Variants in SETBP1 observed in about 807,000 individuals in gnomAD.
SETBP1 encodes the protein SET binding protein 1, also known as SET-binding protein.
In SETBP1, 9 loss-of-function variants were observed where a neutral mutation model predicts 101.0. That is an observed-to-expected ratio of 0.09 (90% CI 0.05 to 0.16). The LOEUF is 0.16. Among genes scored for constraint, SETBP1 ranks in the 10% least tolerant of loss-of-function variants. SETBP1 has a pLI of 1.00. For missense variants in SETBP1, 1,858 were observed against 2,033.8 expected (o/e 0.91, Z 1.66); for synonymous variants, 818 against 788.5 (o/e 1.04, Z -0.63).
At position 44,876,983 on chromosome 18, in the gene SETBP1, T is replaced by G. The variant is rs916720868; in HGVS notation, c.540+7700T>G. On this transcript the variant is annotated intron_variant, in intron 3 of 5. Transcript: ENST00000649279. Reference sequence around the variant, plus strand: ...GCATTAGGCGGCCCTGATGCAGCATTCACTGTCTTCCAGGGCAGGCTTGAT... The same window carrying G: ...GCATTAGGCGGCCCTGATGCAGCATGCACTGTCTTCCAGGGCAGGCTTGAT... 4.1e-6 allele frequency: 5 copies of G among 1,231,270 alleles called. No homozygotes were observed. In the South Asian group the frequency reaches 1.6e-4, roughly 40 times the overall value. 76.3% of individuals were successfully genotyped at this position (1,231,270 alleles called of 1,614,324 possible). A position where few individuals can be genotyped will look rare whatever the true frequency, so the allele number is the denominator to read the frequency against.
At chr18:44,877,375 A>G (rs2069430769) in intron 3 of SETBP1, 1 of 980,012 alleles carries the variant, frequency 1.0e-6, no homozygotes, top group Non-Finnish European at 1.2e-6. Context: ...GTTAACCAAC[A>G]CTGAGCTTTC....
At chr18:44,870,182 C>T (rs1157810816) in intron 3 of SETBP1, 1 of 152,244 alleles carries the variant, frequency 6.6e-6, no homozygotes, top group Non-Finnish European at 1.5e-5. Flanking sequence ...AAATATGTTT[C>T]TAATTGCAGG....
At chr18:44,892,730 A>G (rs2069801586) in intron 3 of SETBP1, among the ~76,000 whole-genome samples, 1 of 152,134 alleles carries the variant, frequency 6.6e-6, no homozygotes, top group Non-Finnish European at 1.5e-5. Flanking sequence ...CTGCTACATA[A>G]TAATTTTTCT....
At chr18:44,960,320 T>C (rs1014755072) in intron 4 of SETBP1, among the ~76,000 whole-genome samples, 1 of 152,140 alleles carries the variant, frequency 6.6e-6, no homozygotes, top group Non-Finnish European at 1.5e-5. Flanking sequence ...TTGTGCTTAA[T>C]CAAGCGAGCA....
intron 1 of SETBP1, among the ~76,000 whole-genome samples, chr18:44,700,096 C>G (rs1169698714): frequency 6.6e-6 from 1 of 152,072 alleles, no homozygotes; most frequent in Non-Finnish European, 1.5e-5. Context: ...GTTTGCAGCC[C>G]CAGGGCTCTT....
Position 44,706,591 on chromosome 18 carries a change from C to CAAAAAAAAAAAAAAAAAAAAAAAAA in SETBP1, c.486+4770_486+4794dup, listed in dbSNP as rs1018470585. 1.2e-4 allele frequency among the ~76,000 whole-genome samples: 2 copies of CAAAAAAAAAAAAAAAAAAAAAAAAA among 16,966 alleles called. 1 individual carries two copies. The highest frequency in any genetic ancestry group is 4.7e-4 in the African/African-American group (2 of 4,226). 11.1% of individuals were successfully genotyped at this position (16,966 alleles called of 152,430 possible). On this transcript the variant is annotated intron_variant, in intron 2 of 5. Transcript: ENST00000649279. ...TGGGTGACAGAATGAGACTCAATCT[C>CAAAAAAAAAAAAAAAAAAAAAAAAA]AAAAAAAAAAAAAAAAAAAAAAAAA...
chr18:44,756,097 G>A (rs1357499484), intron 2 of SETBP1, among the ~76,000 whole-genome samples: 3 of 151,836 alleles, frequency 2.0e-5, no homozygotes, highest in Non-Finnish European at 4.4e-5. Flanking sequence ...CATGCCTGCA[G>A]TCCCAGCTAC....
chr18:44,986,703 A>T (rs1016581935), intron 4 of SETBP1: 1 of 151,760 alleles, frequency 6.6e-6, no homozygotes. Context: ...TAGCATCAAG[A>T]TCATAAATAT....
intron 2 of SETBP1, among the ~76,000 whole-genome samples, chr18:44,725,878 G>T (rs2069695431): frequency 6.6e-6 from 1 of 152,156 alleles, no homozygotes; most frequent in African/African-American, 2.4e-5. Flanking sequence ...TTCAGTTTTA[G>T]ACAATTTCCT....
intron 2 of SETBP1, among the ~76,000 whole-genome samples, chr18:44,770,713 A>G (rs1271121487): frequency 6.6e-6 from 1 of 152,228 alleles, no homozygotes; most frequent in Non-Finnish European, 1.5e-5. Context: ...AACTATACAG[A>G]TGTCTGGGAG....
intron 2 of SETBP1, among the ~76,000 whole-genome samples, chr18:44,824,176 G>A (rs2072182743): frequency 6.6e-6 from 1 of 152,108 alleles, no homozygotes; most frequent in African/African-American, 2.4e-5. Flanking sequence ...GGTAGGGCAG[G>A]GGCATAAATC....
intron 1 of SETBP1, among the ~76,000 whole-genome samples, chr18:44,684,566 GA>G (rs2068806613): frequency 6.7e-6 from 1 of 149,632 alleles, no homozygotes; most frequent in African/African-American, 2.4e-5. Context: ...GTTCAGTCCA[GA>G]ACAGCTGTTT....
rs2145593116 is a variant in SETBP1 at position 45,063,254 on chromosome 18, C to T, written c.4347C>T (p.Phe1449=). The change falls in exon 6 of 6, where the codon TTC becomes TTT. Residue 1449 remains phenylalanine (F), a synonymous_variant. Transcript: ENST00000649279. ...LQRQSKTGNN[F]VKKRRGRPRK... is the part of the protein sequence containing the mutation. ...GACAATCAAAAACAGGCAACAACTT[C>T]GTGAAGAAGAGGCGCGGGCGTCCCA... is the stretch of plus-strand genomic sequence containing the variant. 5.6e-6 allele frequency: 9 copies of T among 1,613,536 alleles called. No homozygotes were observed. The highest frequency in any genetic ancestry group is 1.6e-4 in the Middle Eastern group (1 of 6,062).
intron 5 of SETBP1, among the ~76,000 whole-genome samples, chr18:45,055,355 T>G (rs2073791353): frequency 6.6e-6 from 1 of 152,218 alleles, no homozygotes; most frequent in African/African-American, 2.4e-5. Flanking sequence ...TGCCCTCTTT[T>G]TCTTAAATAC....
At chr18:44,686,245 C>G (rs1456846465) in intron 1 of SETBP1, among the ~76,000 whole-genome samples, 1 of 152,238 alleles carries the variant, frequency 6.6e-6, no homozygotes, top group African/African-American at 2.4e-5. Context: ...GCTGGTTTGC[C>G]CTGCCTGGCA....
In SETBP1 at chr18:44,772,934, A is replaced by G. The variant is rs537991385; in HGVS notation, c.486+71102A>G. Among the ~76,000 whole-genome samples, 590 of 152,300 alleles carry G rather than the reference A, an allele frequency of 3.9e-3. 3 individuals carry two copies. Among genetic ancestry groups the G allele is most frequent in the Non-Finnish European group, 6.6e-3 (449 of 68,014 alleles). ...TATTCTATTCATATTTTCATAATTC[A>G]GTTGGATTTTTGGAGGTATGAACTG... On this transcript the variant is annotated intron_variant, in intron 2 of 5. Coordinates refer to ENST00000649279, the MANE Select transcript of SETBP1 (RefSeq NM_015559.3).
intron 4 of SETBP1, among the ~76,000 whole-genome samples, chr18:44,977,134 C>G (rs1017242688): frequency 3.9e-5 from 6 of 152,194 alleles, no homozygotes; most frequent in African/African-American, 1.4e-4. Flanking sequence ...GTGGGGCCAA[C>G]CCCCATGGCA....
At chr18:45,051,585 T>A (rs1404860506) in intron 5 of SETBP1, among the ~76,000 whole-genome samples, 1 of 152,178 alleles carries the variant, frequency 6.6e-6, no homozygotes, top group Non-Finnish European at 1.5e-5. Flanking sequence ...TAAAAAAGTC[T>A]ATTCAAAAAC....
chr18:44,763,039 G>GAGC (rs1256135332), intron 2 of SETBP1, among the ~76,000 whole-genome samples: 3 of 152,176 alleles, frequency 2.0e-5, no homozygotes, highest in Non-Finnish European at 4.4e-5. Context: ...AGTGCTATAT[G>GAGC]AGCAGCACAA....
Sources: allele counts gnomAD v4.1 joint callset (sites outside exome capture counted in the v4.1 genomes callset), GRCh38; gene constraint gnomAD v4.1.1; transcripts MANE v1.5; gene names NCBI Gene and HGNC (gene_info 2026-07-23, HGNC 2026-07-21).